Variants in HAP1 observed in about 807,000 individuals in gnomAD.
HAP1 encodes huntingtin associated protein 1.
Under a neutral mutation model 60.3 loss-of-function variants are expected in HAP1, and 59 were observed. The observed-to-expected ratio is 0.98, with a 90% confidence interval of 0.79 to 1.22. The LOEUF (loss-of-function observed/expected upper bound fraction) is 1.22, where lower values mean the gene tolerates loss of function less well. HAP1 is among the 50% of genes most tolerant of loss of function. HAP1 has a pLI of 0.00. For synonymous variants in HAP1, 346 were observed against 330.6 expected, an observed-to-expected ratio of 1.05 and a Z score of -0.50; for missense variants, 825 against 785.3, an observed-to-expected ratio of 1.05 and a Z score of -0.60.
At chr17:41,718,420 G>A (rs1434755439), downstream of HAP1, among the ~76,000 whole-genome samples, 3 of 152,090 alleles carry the variant, frequency 2.0e-5, no homozygotes, top group Non-Finnish European at 4.4e-5. Context: ...GGCCTCCCCC[G>A]GCTTCTCCTG....
rs2061175792 is a variant in HAP1 at position 41,731,903 on chromosome 17, G to A, written c.896+34C>T. On this transcript the variant is annotated intron_variant, in intron 4 of 10. Coordinates refer to ENST00000347901, the MANE Select transcript of HAP1 (RefSeq NM_177977.3). ...ACAAATGAGGAAATTGAGGCTCAGA[G>A]AAAGGACTTGCAGGTGCAAAGGCAG... is the stretch of plus-strand genomic sequence containing the variant. 3 of 824,222 alleles carry A rather than the reference G, an allele frequency of 3.6e-6. No individual in the cohort carries two copies. In the Admixed American group the frequency reaches 6.0e-5, roughly 17 times the overall value. The allele number at this position is 824,222 out of a possible 1,614,324, so 51.1% of individuals were successfully genotyped here. A position where few individuals can be genotyped will look rare whatever the true frequency, so the allele number is the denominator to read the frequency against.
At chr17:41,727,355 G>T (rs1555589159) in intron 8 of HAP1, 1 of 780,810 alleles carries the variant, frequency 1.3e-6, no homozygotes, top group Non-Finnish European at 2.4e-6. Context: ...GGGGTTGCTG[G>T]CGGAGGGTCT....
rs59759955 is a variant in HAP1, at chr17:41,730,104, A to AAAG, written c.1069+1388_1069+1389insCTT. 8.9e-5 allele frequency: 2 copies of AAAG among 22,362 alleles called. 1 individual carries two copies. 1.4% of individuals were successfully genotyped at this position (22,362 alleles called of 1,614,324 possible). A position where few individuals can be genotyped will look rare whatever the true frequency, so the allele number is the denominator to read the frequency against. ...AAAAGAAAAGAAAAGAAAAGAAAAG[A>AAAG]AAAGAAAAGAAAGAAAGAAAGAAAA... is the stretch of plus-strand genomic sequence containing the variant. On this transcript the variant is annotated intron_variant, in intron 6 of 10. Transcript: ENST00000347901.
chr17:41,734,577 G>A lies in HAP1; in HGVS notation c.58C>T (p.Pro20Ser), dbSNP rs969942113. The stretch of plus-strand genomic sequence containing the variant: ...GAAGGTGCACAGGTGAGTGCTGCTG[G>A]GTCCCCGGGTCCGAGCCGGCTCCCC... ...CAGSRLGPGD[P>S]AALTCAPSPS... Residue 20 changes from proline (P) to serine (S), a missense_variant, in exon 1 of 11, where the codon CCA (proline) becomes TCA (serine). Coordinates refer to ENST00000347901, the MANE Select transcript of HAP1 (RefSeq NM_177977.3). 12 of 1,589,392 alleles carry A rather than the reference G, an allele frequency of 7.6e-6. No homozygotes were observed. The highest frequency in any genetic ancestry group is 1.1e-5 in the South Asian group (1 of 89,538).
In HAP1 at chr17:41,724,385, A is replaced by C; in HGVS notation, c.*316T>G. On this transcript the variant is annotated 3_prime_UTR_variant, in exon 11 of 11. Coordinates refer to ENST00000347901, the MANE Select transcript of HAP1 (RefSeq NM_177977.3). ...TTTTGACTGCTGCTGCCACTGCTGCAGAGTTGGAGAGCCTGGGGGATAGAG... is the reference window on the plus strand; with the variant it reads ...TTTTGACTGCTGCTGCCACTGCTGCCGAGTTGGAGAGCCTGGGGGATAGAG... 2 of 191,310 alleles carry C rather than the reference A, an allele frequency of 1.0e-5. No individual in the cohort carries two copies. Among genetic ancestry groups the C allele is most frequent in the East Asian group, 1.3e-4 (1 of 7,664 alleles). The allele number at this position is 191,310 out of a possible 1,614,324, so 11.9% of individuals were successfully genotyped here.
chr17:41,726,028 G>T (rs1911600314), intron 9 of HAP1, 131 bp from the exon 10 acceptor site: 2 of 703,382 alleles, frequency 2.8e-6, no homozygotes, highest in Non-Finnish European at 5.1e-6. Flanking sequence ...CCAGCACTTT[G>T]GGAGGCCGAG....
downstream of HAP1, chr17:41,717,759 T>C (rs1555586220): frequency 3.6e-6 from 1 of 278,948 alleles, no homozygotes; most frequent in Non-Finnish European, 7.8e-6. Flanking sequence ...TGCCAGTTTA[T>C]TGTCTGCCTC....
At chr17:41,731,440 C>A in intron 6 of HAP1, 53 bp downstream of exon 6, 2 of 1,265,982 alleles carry the variant, frequency 1.6e-6, no homozygotes, top group Non-Finnish European at 2.3e-6. Context: ...ATCTTGAGTT[C>A]TTTTCTCTGC....
chr17:41,726,739 T>C (rs1463714138), intron 9 of HAP1, among the ~76,000 whole-genome samples: 1 of 152,028 alleles, frequency 6.6e-6, no homozygotes, highest in Non-Finnish European at 1.5e-5. Context: ...GGCACATGCC[T>C]GTAATCCCAG....
In HAP1 at chr17:41,734,638, G is replaced by A; in HGVS notation, c.-4C>T. 2.0e-6 allele frequency: 3 copies of A among 1,489,168 alleles called. No individual in the cohort carries two copies. The highest frequency in any genetic ancestry group is 1.3e-5 in the South Asian group (1 of 76,990). 92.2% of individuals were successfully genotyped at this position (1,489,168 alleles called of 1,614,324 possible). On this transcript the variant is annotated 5_prime_UTR_variant, in exon 1 of 11. Transcript: ENST00000347901. ...GGCCCAACCTCTTCGGGCGCATCTC[G>A]AGTCTGCCGTCCGCTGCTGCGGCGG...
At chr17:41,734,096 G>C (rs1390426381) in intron 1 of HAP1, 70 bp downstream of exon 1, 5 of 1,299,502 alleles carry the variant, frequency 3.8e-6, no homozygotes, top group Non-Finnish European at 4.2e-6. Context: ...GCCTGGACCC[G>C]ATGGGGCCAC....
Position 41,723,977 on chromosome 17 carries a change from G to A in HAP1, c.*724C>T, listed in dbSNP as rs1311984759. On this transcript the variant is annotated 3_prime_UTR_variant, in exon 11 of 11. Coordinates refer to ENST00000347901, the MANE Select transcript of HAP1 (RefSeq NM_177977.3). ...GACACATCACCTGCCACGGAATGAG[G>A]CTGATGGGAGCTGATGCACGTGCAA... The A allele has an allele frequency of 6.6e-6, 1 of 152,344 alleles. No individual in the cohort carries two copies. The highest frequency in any genetic ancestry group is 2.4e-5 in the African/African-American group (1 of 41,452). 9.4% of individuals were successfully genotyped at this position (152,344 alleles called of 1,614,324 possible).
At chr17:41,718,174 G>C (rs1227467379), downstream of HAP1, 1 of 309,814 alleles carries the variant, frequency 3.2e-6, no homozygotes, top group Non-Finnish European at 7.1e-6. Context: ...ATACCACCCT[G>C]AACGCGCCCG....
At chr17:41,719,151 G>A (rs1414974959), downstream of HAP1, among the ~76,000 whole-genome samples, 3 of 151,786 alleles carry the variant, frequency 2.0e-5, no homozygotes, top group African/African-American at 7.3e-5. Context: ...GCTAATTTTT[G>A]TACTTTTTAG....
In HAP1 at chr17:41,724,926, C is replaced by T; in HGVS notation, c.1635G>A (p.Leu545=). ...EETEGWEEVE[L]ELDEATRMNV... ...TCATCCGCGTTGCCTCATCCAGCTC[C>T]AGTTCCACCTCCTCCCAGCCCTCGG... The change falls in exon 11 of 11, where the codon CTG becomes CTA. Residue 545 remains leucine, a synonymous_variant. Transcript: ENST00000347901. 1.2e-6 allele frequency: 2 copies of T among 1,613,416 alleles called. No homozygotes were observed. The highest frequency in any genetic ancestry group is 1.7e-6 in the Non-Finnish European group (2 of 1,179,998).
At chr17:41,722,118 T>G (rs1419373771), downstream of HAP1, 1 of 152,012 alleles carries the variant, frequency 6.6e-6, no homozygotes, top group Non-Finnish European at 1.5e-5. Context: ...CCTCAAATGA[T>G]CCACCCACCT....
Position 41,727,112 on chromosome 17 carries a change from A to G in HAP1, c.1308T>C (p.Ala436=), listed in dbSNP as rs1555589054. 1.3e-6 allele frequency: 2 copies of G among 1,595,636 alleles called. No individual in the cohort carries two copies. Among genetic ancestry groups the G allele is most frequent in the Admixed American group, 3.4e-5 (2 of 58,116 alleles). The change falls in exon 9 of 11, where the codon GCT becomes GCC. Residue 436 remains alanine, a synonymous_variant. Coordinates refer to ENST00000347901, the MANE Select transcript of HAP1 (RefSeq NM_177977.3). ...ETLPGFQETL[A]EELRTSLRRM... ...TCCTTAGAGACGTTCTGAGCTCCTC[A>G]GCCAGCGTCTCCTGGAAACCAGGAA... is the stretch of plus-strand genomic sequence containing the variant.
chr17:41,730,700 G>A (rs965858905), intron 6 of HAP1, among the ~76,000 whole-genome samples: 12 of 152,220 alleles, frequency 7.9e-5, no homozygotes, highest in East Asian at 7.7e-4. Flanking sequence ...GCCACTTTGC[G>A]TTTGCATCTC....
intron 4 of HAP1, 59 bp downstream of exon 4, chr17:41,731,878 A>G: frequency 1.2e-6 from 1 of 818,932 alleles, no homozygotes; most frequent in Non-Finnish European, 2.1e-6. Flanking sequence ...GTCCCTCTTA[A>G]CAAATGAGGA....
Sources: gnomAD v4.1 joint callset for allele counts (sites outside exome capture counted in the v4.1 genomes callset) on GRCh38, gnomAD v4.1.1 for gene constraint, MANE v1.5 for transcripts, NCBI Gene and HGNC (gene_info 2026-07-23, HGNC 2026-07-21) for gene names.